SH3BGR: variants seen among roughly 807,000 people sequenced by gnomAD.
SH3BGR encodes SH3 domain-binding glutamic acid-rich protein.
SH3BGR carries 29 observed loss-of-function variants against 24.5 expected under a neutral mutation model. The observed-to-expected ratio is 1.18, with a 90% CI of 0.88 to 1.61. The LOEUF (loss-of-function observed/expected upper bound fraction) is 1.61. Among genes scored for constraint, SH3BGR ranks in the 40% most tolerant of loss-of-function variants. The probability of loss-of-function intolerance (pLI) is 0.00; values close to 1 mark genes in which losing one functional copy is unlikely to be tolerated. For synonymous variants in SH3BGR, 55 were observed against 65.7 expected, an observed-to-expected ratio of 0.84 and a Z score of 0.79; for missense variants, 162 against 205.8, an observed-to-expected ratio of 0.79 and a Z score of 1.30.
At chr21:39,505,781 T>C (rs578078511) in intron 4 of SH3BGR, among the ~76,000 whole-genome samples, 1 of 152,258 alleles carries the variant, frequency 6.6e-6, no homozygotes, top group Admixed American at 6.5e-5. Flanking sequence ...AAAAGAGTGC[T>C]AGGTTCCTCC....
At chr21:39,513,518 C>T (rs1304993853) in intron 6 of SH3BGR, among the ~76,000 whole-genome samples, 1 of 150,814 alleles carries the variant, frequency 6.6e-6, no homozygotes, top group African/African-American at 2.5e-5. Context: ...GTTATTGGAC[C>T]ATAAAGGTTT....
At chr21:39,452,900 A>C (rs556350137) in intron 1 of SH3BGR, among the ~76,000 whole-genome samples, 9 of 152,130 alleles carry the variant, frequency 5.9e-5, no homozygotes, top group Non-Finnish European at 1.3e-4. Flanking sequence ...TTAGGCTTGA[A>C]CCTATATAGT....
At chr21:39,466,206 G>A (rs1326826550) in intron 2 of SH3BGR, among the ~76,000 whole-genome samples, 5 of 152,140 alleles carry the variant, frequency 3.3e-5, no homozygotes, top group Admixed American at 6.5e-5. Flanking sequence ...CTAGTTCTCC[G>A]TGACTTTGAC....
At chr21:39,457,460 AT>A (rs34457154) in intron 1 of SH3BGR, among the ~76,000 whole-genome samples, 19,535 of 140,828 alleles carry the variant, frequency 0.14, 1,671 homozygotes, top group South Asian at 0.17. Context: ...TATGTATAAG[AT>A]TATATATTAT....
rs181300731 is a variant in SH3BGR, at chr21:39,475,338, C to A, written c.312+123C>A. On this transcript the variant is annotated intron_variant, in intron 3 of 6. Coordinates refer to ENST00000333634, the MANE Select transcript of SH3BGR (RefSeq NM_007341.3). Reference sequence around the variant, plus strand: ...AAATTAACATTACTTTAGTACACTTCTTATTCTGATGCAGTCCTATGCATA... The same window carrying A: ...AAATTAACATTACTTTAGTACACTTATTATTCTGATGCAGTCCTATGCATA... 33 of 629,110 alleles carry A rather than the reference C, an allele frequency of 5.2e-5. No homozygotes were observed. The East Asian group carries it at 8.6e-4, about 16-fold the overall frequency. The allele number at this position is 629,110 out of a possible 1,614,324, so 39.0% of individuals were successfully genotyped here.
chr21:39,453,605 T>C (rs1419272145), intron 1 of SH3BGR, among the ~76,000 whole-genome samples: 1 of 152,188 alleles, frequency 6.6e-6, no homozygotes, highest in African/African-American at 2.4e-5. Context: ...TTTGGGCCCA[T>C]AATTTAGTTA....
intron 4 of SH3BGR, among the ~76,000 whole-genome samples, chr21:39,507,702 GT>G (rs771265250): frequency 2.0e-5 from 3 of 152,144 alleles, no homozygotes; most frequent in Non-Finnish European, 4.4e-5. Context: ...CTGGAGTGCA[GT>G]GGCATGATCA....
chr21:39,471,677 G>T (rs1401121264), intron 2 of SH3BGR, among the ~76,000 whole-genome samples: 8 of 151,922 alleles, frequency 5.3e-5, no homozygotes. Context: ...GCCCAGGCTG[G>T]TCTTGAACTC....
chr21:39,474,651 C>T (rs549379205), intron 2 of SH3BGR, among the ~76,000 whole-genome samples: 5 of 152,196 alleles, frequency 3.3e-5, no homozygotes, highest in Admixed American at 1.3e-4. Flanking sequence ...CCAAAACAGT[C>T]GCCCTCTATG....
intron 3 of SH3BGR, among the ~76,000 whole-genome samples, chr21:39,489,288 G>T (rs910100140): frequency 9.2e-5 from 14 of 152,220 alleles, no homozygotes; most frequent in Admixed American, 9.2e-4. Context: ...ACCAGAAAGG[G>T]TGCTGCCTGA....
chr21:39,463,176 G>A (rs2077783670), intron 2 of SH3BGR, among the ~76,000 whole-genome samples: 2 of 152,294 alleles, frequency 1.3e-5, no homozygotes, highest in South Asian at 4.1e-4. Context: ...GAGCCACGGT[G>A]CCCAGCAAGT....
At position 39,471,765 on chromosome 21, in the gene SH3BGR, A is replaced by G. The variant is rs532968266; in HGVS notation, c.232-3370A>G. ...GCATGAGCCACCACACCCAGCCTGG[A>G]TGATTTCTTTGACTGCATCTTCCAA... is the stretch of plus-strand genomic sequence containing the variant. On this transcript the variant is annotated intron_variant, in intron 2 of 6. Transcript: ENST00000333634. 9.9e-5 allele frequency among the ~76,000 whole-genome samples: 15 copies of G among 152,206 alleles called. No homozygotes were observed. In the South Asian group the frequency reaches 2.7e-3, roughly 27 times the overall value.
At chr21:39,513,981 A>G (rs2078741083) in intron 6 of SH3BGR, among the ~76,000 whole-genome samples, 1 of 152,296 alleles carries the variant, frequency 6.6e-6, no homozygotes, top group South Asian at 2.1e-4. Context: ...TCCAAAAAAG[A>G]AAGAAAAAAA....
At chr21:39,505,088 CA>C (rs1224863324) in intron 4 of SH3BGR, among the ~76,000 whole-genome samples, 1 of 152,216 alleles carries the variant, frequency 6.6e-6, no homozygotes, top group Non-Finnish European at 1.5e-5. Context: ...GTTGGGTTTA[CA>C]GGCATGTGCC....
chr21:39,477,637 T>G (rs1269213067), intron 3 of SH3BGR, among the ~76,000 whole-genome samples: 1 of 152,174 alleles, frequency 6.6e-6, no homozygotes, highest in Non-Finnish European at 1.5e-5. Flanking sequence ...CCAGATTACT[T>G]TCTGGGAGGA....
intron 3 of SH3BGR, chr21:39,488,694 G>A: frequency 2.3e-6 from 1 of 438,662 alleles, no homozygotes; most frequent in Non-Finnish European, 4.6e-6. Flanking sequence ...TTGTCATACT[G>A]GGTGGGAAGA....
At chr21:39,509,189 T>C (rs2078633569) in intron 5 of SH3BGR, among the ~76,000 whole-genome samples, 162 bp downstream of exon 5, 1 of 151,886 alleles carries the variant, frequency 6.6e-6, no homozygotes, top group Non-Finnish European at 1.5e-5. Context: ...GGAAAGTAAG[T>C]TGGAGATAAG....
intron 3 of SH3BGR, among the ~76,000 whole-genome samples, chr21:39,476,023 C>T (rs150989513): frequency 4.6e-5 from 7 of 152,248 alleles, no homozygotes; most frequent in Non-Finnish European, 7.4e-5. Flanking sequence ...GAGACACACA[C>T]GTGGAAGCTG....
At chr21:39,489,723 G>A (rs1414210002) in intron 3 of SH3BGR, among the ~76,000 whole-genome samples, 3 of 152,200 alleles carry the variant, frequency 2.0e-5, no homozygotes, top group African/African-American at 4.8e-5. Context: ...GAGTAATTGC[G>A]GTTTTTGCCA....
Sources: allele counts gnomAD v4.1 joint callset (sites outside exome capture counted in the v4.1 genomes callset), GRCh38; gene constraint gnomAD v4.1.1; transcripts MANE v1.5; gene names NCBI Gene and HGNC (gene_info 2026-07-23, HGNC 2026-07-21).